Variants in PLEKHA4 observed in about 807,000 individuals in gnomAD.
PLEKHA4 encodes pleckstrin homology domain-containing family A member 4.
In PLEKHA4, 73 loss-of-function variants were observed where a neutral mutation model predicts 94.7. The ratio of observed to expected loss-of-function variants is 0.77; its 90% CI spans 0.64 to 0.94. The LOEUF is 0.94. PLEKHA4 is among the 40% of genes least tolerant of loss of function. The pLI is 0.00. For synonymous variants in PLEKHA4, 449 were observed against 437.1 expected (o/e 1.03, Z -0.34); for missense variants, 1,049 against 1,054.1 (o/e 1.00, Z 0.07).
chr19:48,845,623 G>A lies in PLEKHA4; in HGVS notation c.1567-7C>T, dbSNP rs1304259041. ...CCAAGGACTCTGGCAGGCTCTGCGG[G>A]GATTAGAAAAGGGGGATAATGATGA... On this transcript the variant is annotated splice_region_variant and splice_polypyrimidine_tract_variant and intron_variant, in intron 14 of 19. Coordinates refer to ENST00000263265, the MANE Select transcript of PLEKHA4 (RefSeq NM_020904.3). The A allele has an allele frequency of 1.3e-6, 2 of 1,549,968 alleles. No homozygotes were observed. The highest frequency in any genetic ancestry group is 1.4e-5 in the African/African-American group (1 of 71,858).
In PLEKHA4 at chr19:48,853,754, C is replaced by T. The variant is rs994247429; in HGVS notation, c.1254G>A (p.Arg418=). 1 of 1,612,764 alleles carries T rather than the reference C, an allele frequency of 6.2e-7. No homozygotes were observed. The highest frequency in any genetic ancestry group is 8.5e-7 in the Non-Finnish European group (1 of 1,179,710). The change falls in exon 12 of 20, where the codon AGG becomes AGA. Residue 418 remains arginine, a synonymous_variant. Transcript: ENST00000263265. ...QATREAGAPG[R]AWGRQRLLQD... ...GCAAGAGGCGCTGGCGACCCCAGGC[C>T]CTCCCGGGAGCCCCAGCCTCCCTGG...
chr19:48,862,666 C>T (rs2036689037), intron 3 of PLEKHA4, among the ~76,000 whole-genome samples: 1 of 152,122 alleles, frequency 6.6e-6, no homozygotes, highest in Non-Finnish European at 1.5e-5. Context: ...CCCGCCACCA[C>T]ACCCGGCTAA....
intron 8 of PLEKHA4, among the ~76,000 whole-genome samples, 193 bp downstream of exon 8, chr19:48,858,667 G>A (rs1424362478): frequency 7.3e-6 from 1 of 136,082 alleles, no homozygotes; most frequent in Non-Finnish European, 1.5e-5. Flanking sequence ...GACCAGCCTA[G>A]AAAGACAGCC....
chr19:48,858,276 C>A (rs1053596433), intron 8 of PLEKHA4, among the ~76,000 whole-genome samples: 1 of 152,138 alleles, frequency 6.6e-6, no homozygotes, highest in Non-Finnish European at 1.5e-5. Context: ...AACCTCTCAC[C>A]GCACTGTCTT....
At position 48,852,221 on chromosome 19, in the gene PLEKHA4, G is replaced by A. The variant is rs772154994; in HGVS notation, c.1425+7C>T. The stretch of plus-strand genomic sequence containing the variant: ...GTGGGTCTTGGGGTCTCCAAGCAGC[G>A]ATTTACCTGGGGAGAACCAAGGTGC... On this transcript the variant is annotated splice_region_variant and intron_variant, in intron 13 of 19. Coordinates refer to ENST00000263265, the MANE Select transcript of PLEKHA4 (RefSeq NM_020904.3). 24 of 1,612,222 alleles carry A rather than the reference G, an allele frequency of 1.5e-5. No homozygotes were observed. Among genetic ancestry groups the A allele is most frequent in the Non-Finnish European group, 1.8e-5 (21 of 1,178,330 alleles).
At chr19:48,862,637 T>G (rs1024134652) in intron 3 of PLEKHA4, among the ~76,000 whole-genome samples, 5 of 151,998 alleles carry the variant, frequency 3.3e-5, no homozygotes, top group Non-Finnish European at 5.9e-5. Context: ...GCCTCCCGAG[T>G]AGCTGGGACT....
chr19:48,862,681 GT>G (rs879521216), intron 3 of PLEKHA4, among the ~76,000 whole-genome samples: 30 of 151,428 alleles, frequency 2.0e-4, no homozygotes, highest in Non-Finnish European at 2.7e-4. Context: ...GGCTAATTTT[GT>G]TTTTGTATTT....
At chr19:48,855,823 A>C (rs1414384829) in intron 9 of PLEKHA4, among the ~76,000 whole-genome samples, 1 of 151,746 alleles carries the variant, frequency 6.6e-6, no homozygotes, top group East Asian at 1.9e-4. Context: ...TTTAAAAAAA[A>C]ACAAAAAACA....
At chr19:48,853,180 A>T (rs1426486342) in intron 12 of PLEKHA4, among the ~76,000 whole-genome samples, 1 of 151,486 alleles carries the variant, frequency 6.6e-6, no homozygotes, top group Non-Finnish European at 1.5e-5. Context: ...TTAAATATTC[A>T]TTCATTCATT....
intron 16 of PLEKHA4, chr19:48,845,103 A>C (rs2122944108): frequency 3.0e-6 from 1 of 336,944 alleles, no homozygotes; most frequent in East Asian, 5.4e-5. Context: ...TCTAGTTTTC[A>C]TCTTGATGTC....
At position 48,857,510 on chromosome 19, in the gene PLEKHA4, T is replaced by C; in HGVS notation, c.973-14A>G. On this transcript the variant is annotated splice_polypyrimidine_tract_variant and intron_variant, in intron 8 of 19. Transcript: ENST00000263265. The stretch of plus-strand genomic sequence containing the variant: ...GCCAGAGTGTGCCTGGGAGGAACGT[T>C]GAAATGGAGATGTTTAGAAACTGGC... 6.7e-7 allele frequency: 1 copy of C among 1,496,866 alleles called. No individual in the cohort carries two copies. The highest frequency in any genetic ancestry group is 9.2e-7 in the Non-Finnish European group (1 of 1,090,314). The allele number at this position is 1,496,866 out of a possible 1,614,324, so 92.7% of individuals were successfully genotyped here.
intron 8 of PLEKHA4, 31 bp downstream of exon 8, chr19:48,858,829 G>A (rs764673339): frequency 1.2e-6 from 2 of 1,612,698 alleles, no homozygotes; most frequent in South Asian, 1.1e-5. Context: ...GATGGGAAAC[G>A]TAGTCCCCTC....
rs375721379 is a variant in PLEKHA4 at position 48,853,760 on chromosome 19, G to A, written c.1248C>T (p.Pro416=). 23 of 1,612,800 alleles carry A rather than the reference G, an allele frequency of 1.4e-5. No homozygotes were observed. Among genetic ancestry groups the A allele is most frequent in the East Asian group, 8.9e-5 (4 of 44,858 alleles). ...GGCGCTGGCGACCCCAGGCCCTCCC[G>A]GGAGCCCCAGCCTCCCTGGTGGCTT... The part of the protein sequence containing the change: ...LGQATREAGA[P]GRAWGRQRLL... The change falls in exon 12 of 20, where the codon CCC becomes CCT. Residue 416 remains proline (P), a synonymous_variant. Transcript: ENST00000263265.
At chr19:48,842,538 A>T (rs1035966759) in intron 16 of PLEKHA4, among the ~76,000 whole-genome samples, 4 of 152,186 alleles carry the variant, frequency 2.6e-5, no homozygotes, top group Admixed American at 1.3e-4. Flanking sequence ...CAATTGTTTT[A>T]AACATAGTCT....
intron 16 of PLEKHA4, among the ~76,000 whole-genome samples, chr19:48,842,092 A>C (rs2035789090): frequency 1.3e-5 from 2 of 151,922 alleles, no homozygotes; most frequent in South Asian, 4.1e-4. Context: ...CTGTTTATAT[A>C]AATGATGGCC....
At chr19:48,862,202 C>CTTTT (rs1472532427) in intron 3 of PLEKHA4, among the ~76,000 whole-genome samples, 4 of 121,048 alleles carry the variant, frequency 3.3e-5, no homozygotes, top group Non-Finnish European at 5.2e-5. Flanking sequence ...TCTTTTCTCT[C>CTTTT]TCTTTTTTTT....
At chr19:48,852,116 G>T in intron 13 of PLEKHA4, 112 bp downstream of exon 13, 1 of 776,374 alleles carries the variant, frequency 1.3e-6, no homozygotes, top group Non-Finnish European at 2.2e-6. Context: ...AGGAGGCTAA[G>T]GGTCAACTGG....
chr19:48,858,627 C>CAAAA (rs56663437), intron 8 of PLEKHA4, among the ~76,000 whole-genome samples: 4 of 63,472 alleles, frequency 6.3e-5, no homozygotes, highest in East Asian at 4.9e-4. Flanking sequence ...ACCTCAGTCT[C>CAAAA]AAAAAAAAAA....
At chr19:48,849,788 G>A (rs895549626) in intron 13 of PLEKHA4, among the ~76,000 whole-genome samples, 1 of 152,218 alleles carries the variant, frequency 6.6e-6, no homozygotes, top group Non-Finnish European at 1.5e-5. Context: ...GATGCAGGAT[G>A]CAAGAGATGA....
Sources: allele counts gnomAD v4.1 joint callset (sites outside exome capture counted in the v4.1 genomes callset), GRCh38; gene constraint gnomAD v4.1.1; transcripts MANE v1.5; gene names NCBI Gene and HGNC (gene_info 2026-07-23, HGNC 2026-07-21).